ZNF836: variants seen among roughly 807,000 people sequenced by gnomAD.
ZNF836 encodes zinc finger protein 836.
Under a neutral mutation model 7.4 loss-of-function variants are expected in ZNF836, and 12 were observed. The ratio of observed to expected loss-of-function variants is 1.61; its 90% confidence interval spans 1.03 to 2.61. The LOEUF (loss-of-function observed/expected upper bound fraction) is 2.61, where lower values mean the gene tolerates loss of function less well. Among genes scored for constraint, ZNF836 ranks in the 30% most tolerant of loss-of-function variants. ZNF836 has a pLI of 0.00. For missense variants in ZNF836, 998 were observed against 1,126.2 expected, an observed-to-expected ratio of 0.89 and a Z score of 1.63; for synonymous variants, 365 against 382.6, an observed-to-expected ratio of 0.95 and a Z score of 0.54.
chr19:52,168,092 C>T lies in ZNF836; in HGVS notation c.-20G>A, dbSNP rs1217772447. ...AGCCATCCCTGACTCCTTTTCTTTC[C>T]TCTTCTTCCTCTTCTGGGCTTCTCT... is the stretch of plus-strand genomic sequence containing the variant. On this transcript the variant is annotated 5_prime_UTR_variant, in exon 3 of 5. Transcript: ENST00000682614. 1 of 1,611,374 alleles carries T rather than the reference C, an allele frequency of 6.2e-7. No individual in the cohort carries two copies. The highest frequency in any genetic ancestry group is 1.1e-5 in the South Asian group (1 of 90,824).
chr19:52,155,048 T>A lies in ZNF836; in HGVS notation c.2635A>T (p.Lys879Ter), dbSNP rs1160670341. The A allele has an allele frequency of 6.2e-7, 1 of 1,614,078 alleles. No individual in the cohort carries two copies. Among genetic ancestry groups the A allele is most frequent in the African/African-American group, 1.3e-5 (1 of 74,936 alleles). ...KAFGRFSCLN[K>*]HQMIHSGEKP... ...TCTCCAGAATGAATCATTTGGTGTT[T>A]GTTGAGGCAAGAAAACCGCCCAAAG... Residue 879 changes from lysine (K) to a stop codon, truncating the protein, a stop_gained, in exon 5 of 5, where the codon AAA becomes TAA. Coordinates refer to ENST00000682614, the MANE Select transcript of ZNF836 (RefSeq NM_001102657.3). LOFTEE classifies it low-confidence loss of function (END_TRUNC).
At position 52,155,374 on chromosome 19, in the gene ZNF836, C is replaced by A. The variant is rs2089143193; in HGVS notation, c.2309G>T (p.Arg770Ile). 1 of 1,613,796 alleles carries A rather than the reference C, an allele frequency of 6.2e-7. No homozygotes were observed. The highest frequency in any genetic ancestry group is 8.5e-7 in the Non-Finnish European group (1 of 1,179,964). Residue 770 changes from arginine (R) to isoleucine (I), a missense_variant, in exon 5 of 5, where the codon AGA becomes ATA. Coordinates refer to ENST00000682614, the MANE Select transcript of ZNF836 (RefSeq NM_001102657.3). ...GTAAGGTTTCTCTCCAGTGTGAATTCTCCGATGCCTTGCAAGGTTCGAAGT... is the reference window on the plus strand; with the variant it reads ...GTAAGGTTTCTCTCCAGTGTGAATTATCCGATGCCTTGCAAGGTTCGAAGT... ...NSTSNLARHRRIHTGEKPYKC... is the reference protein window; with the variant it reads ...NSTSNLARHRIIHTGEKPYKC...
At chr19:52,160,186 TAA>T (rs35190507) in intron 4 of ZNF836, 59,374 of 358,830 alleles carry the variant, frequency 0.17, 755 homozygotes, top group South Asian at 0.25. Flanking sequence ...CTGTCTCCAT[TAA>T]AAAAAAAAAA....
At chr19:52,159,154 G>A (rs1323044058) in intron 4 of ZNF836, among the ~76,000 whole-genome samples, 4 of 151,988 alleles carry the variant, frequency 2.6e-5, no homozygotes, top group East Asian at 3.9e-4. Context: ...CCTATCTATG[G>A]TATCTGCTAT....
chr19:52,156,388 T>C lies in ZNF836; in HGVS notation c.1295A>G (p.His432Arg), dbSNP rs2089160092. The C allele has an allele frequency of 1.2e-6, 2 of 1,614,218 alleles. No homozygotes were observed. Among genetic ancestry groups the C allele is most frequent in the Non-Finnish European group, 1.7e-6 (2 of 1,180,040 alleles). ...TTTCTCTCCTGTATGGATTATCTGATGTGTAGTGAGGCTGGAGCTCCGTTT... is the reference window on the plus strand; with the variant it reads ...TTTCTCTCCTGTATGGATTATCTGACGTGTAGTGAGGCTGGAGCTCCGTTT... ...TFKRSSSLTT[H>R]QIIHTGEKPY... Residue 432 changes from histidine to arginine, a missense_variant, in exon 5 of 5, where the codon CAT becomes CGT. By Grantham distance (29) the His-to-Arg change is conservative. Coordinates refer to ENST00000682614, the MANE Select transcript of ZNF836 (RefSeq NM_001102657.3).
chr19:52,159,532 T>C (rs906920387), intron 4 of ZNF836, among the ~76,000 whole-genome samples: 3 of 152,164 alleles, frequency 2.0e-5, no homozygotes, highest in Non-Finnish European at 2.9e-5. Flanking sequence ...AGCCAATGTG[T>C]GTTGCCAAAA....
In ZNF836 at chr19:52,156,709, G is replaced by A. The variant is rs2089164748; in HGVS notation, c.974C>T (p.Thr325Ile). 1 of 1,606,300 alleles carries A rather than the reference G, an allele frequency of 6.2e-7. No individual in the cohort carries two copies. Among genetic ancestry groups the A allele is most frequent in the Non-Finnish European group, 8.5e-7 (1 of 1,174,910 alleles). Residue 325 changes from threonine (T) to isoleucine (I), a missense_variant, in exon 5 of 5, where the codon ACT (threonine) becomes ATT (isoleucine). Coordinates refer to ENST00000682614, the MANE Select transcript of ZNF836 (RefSeq NM_001102657.3). ...ATTACATTTGTAAGGTTTCTCTCCA[G>A]TGTGAATTCTCTGATGTATTGCAAG... ...YNLAIHQRIH[T>I]GEKPYKCNEC...
At chr19:52,158,964 A>T (rs2089190413) in intron 4 of ZNF836, among the ~76,000 whole-genome samples, 1 of 152,164 alleles carries the variant, frequency 6.6e-6, no homozygotes, top group African/African-American at 2.4e-5. Flanking sequence ...GAATTTGAGT[A>T]GATGTGAAAA....
rs1416349024 is a variant in ZNF836, at chr19:52,156,627, A to G, written c.1056T>C (p.His352=). 3.7e-6 allele frequency: 6 copies of G among 1,613,398 alleles called. No individual in the cohort carries two copies. The highest frequency in any genetic ancestry group is 5.1e-6 in the Non-Finnish European group (6 of 1,179,508). Residue 352 remains histidine (H), a synonymous_variant, in exon 5 of 5, where the codon CAT becomes CAC. Transcript: ENST00000682614. ...GSCLTTHQII[H]TGEKPYQCDI... ...CACATTGATATGGTTTCTCTCCTGTATGGATTATCTGATGTGTAGTGAGGC... is the reference window on the plus strand; with the variant it reads ...CACATTGATATGGTTTCTCTCCTGTGTGGATTATCTGATGTGTAGTGAGGC...
Position 52,160,607 on chromosome 19 carries a change from C to T in ZNF836, c.16-16G>A, listed in dbSNP as rs901399085. On this transcript the variant is annotated splice_polypyrimidine_tract_variant and intron_variant, in intron 3 of 4. Coordinates refer to ENST00000682614, the MANE Select transcript of ZNF836 (RefSeq NM_001102657.3). ...TCAAAGGTCCCTGAAATGAAAAACACATTTCAACATGAGCAATGGGAGAGC... is the reference window on the plus strand; with the variant it reads ...TCAAAGGTCCCTGAAATGAAAAACATATTTCAACATGAGCAATGGGAGAGC... The T allele has an allele frequency of 6.3e-7, 1 of 1,595,954 alleles. No individual in the cohort carries two copies. Among genetic ancestry groups the T allele is most frequent in the Non-Finnish European group, 8.5e-7 (1 of 1,174,268 alleles).
intron 3 of ZNF836, among the ~76,000 whole-genome samples, chr19:52,166,703 A>C (rs957794424): frequency 1.3e-5 from 2 of 150,712 alleles, no homozygotes; most frequent in African/African-American, 2.4e-5. Flanking sequence ...CCTCCCAAGT[A>C]GCTGGGACTA....
At position 52,155,238 on chromosome 19, in the gene ZNF836, A is replaced by G. The variant is rs1263609124; in HGVS notation, c.2445T>C (p.Phe815=). ...GATTAACCAGAATTGAACGCACTCT[A>G]AAGGCTTTGCCACACTCATTACACA... is the stretch of plus-strand genomic sequence containing the variant. ...PYVCNECGKA[F]RVRSILVNHQ... The change falls in exon 5 of 5, where the codon TTT becomes TTC. Residue 815 remains phenylalanine (F), a synonymous_variant. Transcript: ENST00000682614. 5.0e-6 allele frequency: 8 copies of G among 1,613,976 alleles called. No homozygotes were observed. The highest frequency in any genetic ancestry group is 1.1e-5 in the South Asian group (1 of 91,070).
Position 52,156,459 on chromosome 19 carries a change from A to G in ZNF836, c.1224T>C (p.His408=), listed in dbSNP as rs2089161219. ...SSNLATHQTV[H]SGNKPYKCDE... is the part of the protein sequence containing the mutation. ...CACATTTGTAAGGTTTGTTTCCACTATGAACTGTCTGATGAGTTGCCAGGT... is the reference window on the plus strand; with the variant it reads ...CACATTTGTAAGGTTTGTTTCCACTGTGAACTGTCTGATGAGTTGCCAGGT... Residue 408 remains histidine (H), a synonymous_variant, in exon 5 of 5, where the codon CAT becomes CAC. Transcript: ENST00000682614. 3 of 1,613,516 alleles carry G rather than the reference A, an allele frequency of 1.9e-6. No individual in the cohort carries two copies. The highest frequency in any genetic ancestry group is 1.3e-5 in the African/African-American group (1 of 74,786).
intron 3 of ZNF836, among the ~76,000 whole-genome samples, chr19:52,166,939 T>C (rs1208975111): frequency 6.6e-6 from 1 of 151,700 alleles, no homozygotes; most frequent in Non-Finnish European, 1.5e-5. Context: ...CAAACAAATA[T>C]ATTATGTGAT....
intron 3 of ZNF836, among the ~76,000 whole-genome samples, chr19:52,166,561 T>C (rs2089265425): frequency 6.7e-6 from 1 of 149,052 alleles, no homozygotes; most frequent in Non-Finnish European, 1.5e-5. Context: ...ATCATCTTCA[T>C]GTTGTACCAA....
In ZNF836 at chr19:52,155,056, C is replaced by CA; in HGVS notation, c.2626dup (p.Cys876LeufsTer16). ...ATGAATCATTTGGTGTTTGTTGAGG[C>CA]AAGAAAACCGCCCAAAGGCCTTGCC... On this transcript the variant is annotated frameshift_variant, in exon 5 of 5. Transcript: ENST00000682614. LOFTEE classifies it low-confidence loss of function (END_TRUNC). 1.2e-6 allele frequency: 2 copies of CA among 1,614,152 alleles called. No homozygotes were observed. The highest frequency in any genetic ancestry group is 1.7e-6 in the Non-Finnish European group (2 of 1,180,012).
chr19:52,155,102 G>C lies in ZNF836; in HGVS notation c.2581C>G (p.Pro861Ala). The C allele has an allele frequency of 6.2e-7, 1 of 1,614,178 alleles. No homozygotes were observed. Among genetic ancestry groups the C allele is most frequent in the South Asian group, 1.1e-5 (1 of 91,072 alleles). ...YHQRNHTGEK[P>A]YKCIECGKAF... ...TTGCCACATTCAATACATTTGTATG[G>C]CTTCTCTCCAGTGTGATTTCTTTGA... Residue 861 changes from proline to alanine, a missense_variant, in exon 5 of 5, where the codon CCA becomes GCA. Transcript: ENST00000682614.
intron 3 of ZNF836, among the ~76,000 whole-genome samples, chr19:52,165,663 C>G (rs558109449): frequency 6.6e-5 from 10 of 152,126 alleles, no homozygotes; most frequent in African/African-American, 2.4e-4. Context: ...AAAGAGTGAT[C>G]GCTTCCTCTA....
chr19:52,157,566 T>C, intron 4 of ZNF836, 26 bp from the exon 5 acceptor site: 2 of 1,452,478 alleles, frequency 1.4e-6, no homozygotes, highest in Non-Finnish European at 9.0e-7. Context: ...AACATGGGAG[T>C]TTTTTCGTTG....
Sources: gnomAD v4.1 joint callset for allele counts (sites outside exome capture counted in the v4.1 genomes callset) on GRCh38, gnomAD v4.1.1 for gene constraint, MANE v1.5 for transcripts, NCBI Gene and HGNC (gene_info 2026-07-23, HGNC 2026-07-21) for gene names.